The following HERC1 variants were observed in gnomAD, a reference collection of about 807,000 sequenced individuals.
HERC1 encodes probable E3 ubiquitin-protein ligase HERC1.
HERC1 carries 160 observed loss-of-function variants against 554.3 expected under a neutral mutation model. The ratio of observed to expected loss-of-function variants is 0.29; its 90% CI spans 0.25 to 0.33. The LOEUF (loss-of-function observed/expected upper bound fraction) is 0.33, where lower values mean the gene tolerates loss of function less well. Among genes scored for constraint, HERC1 ranks in the 10% least tolerant of loss-of-function variants. HERC1 has a pLI of 1.00. For missense variants in HERC1, 4,919 were observed against 5,918.5 expected (o/e 0.83, Z 5.54); for synonymous variants, 2,175 against 2,131.7 (o/e 1.02, Z -0.56).
chr15:63,754,357 AG>A, intron 7 of HERC1, 147 bp downstream of exon 7: 1 of 470,906 alleles, frequency 2.1e-6, no homozygotes, highest in Non-Finnish European at 3.6e-6. Flanking sequence ...CAATGGTTAA[AG>A]TAACATTTGT....
chr15:63,691,775 A>T (rs2153042479), intron 31 of HERC1, among the ~76,000 whole-genome samples: 1 of 152,336 alleles, frequency 6.6e-6, no homozygotes, highest in East Asian at 1.9e-4. Flanking sequence ...ATTATGAAAA[A>T]AAGTTCTGGA....
chr15:63,809,002 A>G (rs1377610672), intron 1 of HERC1, among the ~76,000 whole-genome samples: 3 of 152,184 alleles, frequency 2.0e-5, no homozygotes, highest in Non-Finnish European at 4.4e-5. Context: ...TCCCTAAAAT[A>G]AAAAATGAAG....
chr15:63,630,616 T>C lies in HERC1; in HGVS notation c.12816A>G (p.Pro4272=). 1 of 1,613,092 alleles carries C rather than the reference T, an allele frequency of 6.2e-7. No homozygotes were observed. The highest frequency in any genetic ancestry group is 8.5e-7 in the Non-Finnish European group (1 of 1,179,526). The change falls in exon 69 of 78, where the codon CCA becomes CCG. Residue 4272 remains proline (P), a synonymous_variant. Coordinates refer to ENST00000443617, the MANE Select transcript of HERC1 (RefSeq NM_003922.4). ...GATTGTGATTGCGAGCACGCCCCTC[T>C]GGCAAGCCTATCAGGCGATCTGAAA... ...TFGQDRLIGL[P]EGRARNHNRP...
At chr15:63,833,285 T>C (rs1445842691) in intron 1 of HERC1, among the ~76,000 whole-genome samples, 1 of 152,168 alleles carries the variant, frequency 6.6e-6, no homozygotes, top group Non-Finnish European at 1.5e-5. Context: ...TGAGCTGCCC[T>C]CACCCAAAGG....
Position 63,656,123 on chromosome 15 carries a change from TAGG to T in HERC1, c.9832_9834del (p.Pro3278del). ...AACTGTACAAGCAGTTTGGCAGCAC[TAGG>T]AGCATTTGATGCCAGACATCCCACT... On this transcript the variant is annotated inframe_deletion, in exon 49 of 78. Coordinates refer to ENST00000443617, the MANE Select transcript of HERC1 (RefSeq NM_003922.4). 1 of 1,612,876 alleles carries T rather than the reference TAGG, an allele frequency of 6.2e-7. No individual in the cohort carries two copies. The highest frequency in any genetic ancestry group is 1.3e-5 in the African/African-American group (1 of 75,028).
Position 63,749,602 on chromosome 15 carries a change from C to A in HERC1, c.2047+45G>T. ...CAAATTCAAATGTAATATATTTACA[C>A]AAGACAACAGTTAATACTATTTCCT... On this transcript the variant is annotated intron_variant, in intron 9 of 77. Transcript: ENST00000443617. The surrounding 1 kb of genome is among the most constrained non-coding windows in gnomAD (Gnocchi z 4.1). The A allele has an allele frequency of 6.3e-7, 1 of 1,581,760 alleles. No individual in the cohort carries two copies. The highest frequency in any genetic ancestry group is 1.2e-5 in the South Asian group (1 of 86,636).
intron 2 of HERC1, among the ~76,000 whole-genome samples, chr15:63,769,823 T>C (rs1264318318): frequency 6.6e-6 from 1 of 152,148 alleles, no homozygotes; most frequent in Non-Finnish European, 1.5e-5. Context: ...GCCACTGCAC[T>C]CCAGCCTGGG....
chr15:63,638,394 T>G lies in HERC1; in HGVS notation c.12093+17A>C. On this transcript the variant is annotated intron_variant, in intron 63 of 77. Transcript: ENST00000443617. ...CAGTTCCCATGTTTCTTTTCTATTT[T>G]TTATCCTGTTAGTTACCTGTTGGGC... 1 of 1,605,014 alleles carries G rather than the reference T, an allele frequency of 6.2e-7. No homozygotes were observed. Among genetic ancestry groups the G allele is most frequent in the Non-Finnish European group, 8.5e-7 (1 of 1,176,950 alleles).
At position 63,694,338 on chromosome 15, in the gene HERC1, C is replaced by T. The variant is rs746133935; in HGVS notation, c.5454G>A (p.Leu1818=). 18 of 1,613,550 alleles carry T rather than the reference C, an allele frequency of 1.1e-5. No homozygotes were observed. The highest frequency in any genetic ancestry group is 8.3e-5 in the Admixed American group (5 of 59,964). Residue 1818 remains leucine, a synonymous_variant, in exon 29 of 78, where the codon TTG becomes TTA. Coordinates refer to ENST00000443617, the MANE Select transcript of HERC1 (RefSeq NM_003922.4). This position sits in a 1 kb window ranked among gnomAD's most constrained non-coding sequence, Gnocchi z 4.3. ...CAGTAGTGATGGCTAGAATCTGGAG[C>T]AACCTTGTACTGGCCACTTTCAAAG... ...STALKVASTR[L]LQILAITTGT... is the part of the protein sequence containing the mutation.
At chr15:63,737,805 A>T (rs2074613660) in intron 12 of HERC1, among the ~76,000 whole-genome samples, 1 of 152,058 alleles carries the variant, frequency 6.6e-6, no homozygotes, top group Non-Finnish European at 1.5e-5. Flanking sequence ...ACAGATTTCC[A>T]TACAAAGGAT....
intron 10 of HERC1, among the ~76,000 whole-genome samples, chr15:63,748,649 T>C (rs879621020): frequency 6.6e-6 from 1 of 152,206 alleles, no homozygotes; most frequent in Non-Finnish European, 1.5e-5. Flanking sequence ...TTATTTATAT[T>C]CAACTTATTT....
rs377277865 is a variant in HERC1 at position 63,638,528 on chromosome 15, G to A, written c.11976C>T (p.His3992=). 2 of 1,613,738 alleles carry A rather than the reference G, an allele frequency of 1.2e-6. No homozygotes were observed. The highest frequency in any genetic ancestry group is 1.7e-6 in the Non-Finnish European group (2 of 1,179,798). The stretch of plus-strand genomic sequence containing the variant: ...AGTAGACATCACATTTACCTCCCAG[G>A]TGCCAGTCCTAGAAAACCACAATCA... The part of the protein sequence containing the change: ...SWATSRPEDW[H]LGGKCDVYLW... The change falls in exon 63 of 78, where the codon CAC becomes CAT. Residue 3992 remains histidine (H), a synonymous_variant. Coordinates refer to ENST00000443617, the MANE Select transcript of HERC1 (RefSeq NM_003922.4).
chr15:63,737,373 G>GAT lies in HERC1; in HGVS notation c.2521-2526_2521-2525dup, dbSNP rs371486775. Among the ~76,000 whole-genome samples, 395 of 113,192 alleles carry GAT rather than the reference G, an allele frequency of 3.5e-3. 14 individuals carry two copies. Among genetic ancestry groups the GAT allele is most frequent in the African/African-American group, 0.013 (351 of 27,258 alleles). 74.3% of individuals were successfully genotyped at this position (113,192 alleles called of 152,430 possible). ...CAGATATATATATATCTTTTTTCCA[G>GAT]ATATATATATATATATCGTTTTTCC... On this transcript the variant is annotated intron_variant, in intron 12 of 77. Transcript: ENST00000443617.
At chr15:63,740,917 T>C (rs2074772598) in intron 12 of HERC1, among the ~76,000 whole-genome samples, 1 of 152,252 alleles carries the variant, frequency 6.6e-6, no homozygotes, top group East Asian at 1.9e-4. Context: ...CAAATGTTTT[T>C]AATTTTGATG....
intron 1 of HERC1, among the ~76,000 whole-genome samples, chr15:63,803,481 G>A (rs565184725): frequency 1.3e-5 from 2 of 151,918 alleles, no homozygotes; most frequent in East Asian, 1.9e-4. Context: ...GAGTGGCAGC[G>A]ACACAATCAT....
intron 1 of HERC1, among the ~76,000 whole-genome samples, chr15:63,786,646 T>C (rs559220388): frequency 2.5e-4 from 38 of 152,318 alleles, no homozygotes; most frequent in Non-Finnish European, 4.1e-4. Flanking sequence ...AGATGCCAGA[T>C]ATAAAAGGCT....
chr15:63,723,092 C>T, intron 19 of HERC1, 90 bp downstream of exon 19: 1 of 729,500 alleles, frequency 1.4e-6, no homozygotes, highest in South Asian at 6.8e-5. Context: ...AAGGGTGATC[C>T]CTATAATTTT....
At position 63,775,654 on chromosome 15, in the gene HERC1, A is replaced by G; in HGVS notation, c.-26-5T>C. 6.6e-7 allele frequency: 1 copy of G among 1,514,952 alleles called. No individual in the cohort carries two copies. The highest frequency in any genetic ancestry group is 8.9e-7 in the Non-Finnish European group (1 of 1,121,788). The allele number at this position is 1,514,952 out of a possible 1,614,324, so 93.8% of individuals were successfully genotyped here. The stretch of plus-strand genomic sequence containing the variant: ...TTTATCCTTCAGCCATTAGTCCTGC[A>G]AAGGGAGAAGAGAAAACAGTCAAAA... On this transcript the variant is annotated splice_region_variant and splice_polypyrimidine_tract_variant and intron_variant, in intron 1 of 77. Coordinates refer to ENST00000443617, the MANE Select transcript of HERC1 (RefSeq NM_003922.4). The surrounding 1 kb of genome is among the most constrained non-coding windows in gnomAD (Gnocchi z 4.0).
Position 63,682,457 on chromosome 15 carries a change from G to T in HERC1, c.6226-1681C>A, listed in dbSNP as rs545397220. ...AGTTGCTCTCTCCTCCAGTGGGAGG[G>T]GAAAGGGTTCAAAAACCCCTGACAG... On this transcript the variant is annotated intron_variant, in intron 34 of 77. Transcript: ENST00000443617. Among the ~76,000 whole-genome samples the T allele has an allele frequency of 5.9e-4, 90 of 152,222 alleles. 1 individual carries two copies. The highest frequency in any genetic ancestry group is 2.0e-3 in the African/African-American group (85 of 41,532).
Sources: gnomAD v4.1 joint callset for allele counts (sites outside exome capture counted in the v4.1 genomes callset) on GRCh38, gnomAD v4.1.1 for gene constraint, Gnocchi (gnomAD v3.1) non-coding constraint, MANE v1.5 for transcripts, NCBI Gene and HGNC (gene_info 2026-07-23, HGNC 2026-07-21) for gene names.